DGKB: variants seen among roughly 807,000 people sequenced by gnomAD.
DGKB encodes 90 kDa diacylglycerol kinase.
In DGKB, 67 loss-of-function variants were observed where a neutral mutation model predicts 114.3. The ratio of observed to expected loss-of-function variants is 0.59; its 90% CI spans 0.48 to 0.72. DGKB has a LOEUF of 0.72. Ranked by LOEUF, DGKB falls within the 30% of genes least tolerant of loss-of-function variation. The pLI is 0.00. For synonymous variants in DGKB, 398 were observed against 323.1 expected, an observed-to-expected ratio of 1.23 and a Z score of -2.49; for missense variants, 907 against 975.2, an observed-to-expected ratio of 0.93 and a Z score of 0.93.
At chr7:14,815,874 G>C (rs1163598044) in intron 2 of DGKB, among the ~76,000 whole-genome samples, 1 of 152,210 alleles carries the variant, frequency 6.6e-6, no homozygotes, top group Non-Finnish European at 1.5e-5. Flanking sequence ...GACCAGATCT[G>C]TTGGGTACCA....
chr7:14,398,157 T>C (rs1339852604), intron 21 of DGKB, among the ~76,000 whole-genome samples: 1 of 152,076 alleles, frequency 6.6e-6, no homozygotes, highest in African/African-American at 2.4e-5. Flanking sequence ...TCTTGAATGA[T>C]TTCGATCAAT....
At position 14,245,167 on chromosome 7, in the gene DGKB, T is replaced by TACACAC. The variant is rs111929500; in HGVS notation, c.2123-67022_2123-67017dup. On this transcript the variant is annotated intron_variant, in intron 23 of 25. Coordinates refer to ENST00000402815, the MANE Select transcript of DGKB (RefSeq NM_001350709.2). ...TTAGGGAAATGTGCATATGTACACA[T>TACACAC]ACACACACACACACACACGCACAAA... is the stretch of plus-strand genomic sequence containing the variant. Among the ~76,000 whole-genome samples the TACACAC allele has an allele frequency of 4.8e-3, 715 of 149,320 alleles. 6 individuals carry two copies. The highest frequency in any genetic ancestry group is 0.017 in the African/African-American group (683 of 40,946).
intron 13 of DGKB, among the ~76,000 whole-genome samples, chr7:14,653,571 G>T (rs553627383): frequency 2.0e-5 from 3 of 152,052 alleles, no homozygotes; most frequent in African/African-American, 7.2e-5. Flanking sequence ...CGAGTTAGTG[G>T]GTTCAGCGCA....
At chr7:14,274,677 A>T (rs1189707405) in intron 23 of DGKB, among the ~76,000 whole-genome samples, 1 of 152,064 alleles carries the variant, frequency 6.6e-6, no homozygotes, top group South Asian at 2.1e-4. Flanking sequence ...TGAATTTGGT[A>T]TCTGGTATTT....
At chr7:14,483,674 T>C (rs1287531288) in intron 20 of DGKB, among the ~76,000 whole-genome samples, 3 of 152,142 alleles carry the variant, frequency 2.0e-5, no homozygotes, top group Admixed American at 2.0e-4. Context: ...AATTTGGTGA[T>C]GAGAAGATTA....
intron 17 of DGKB, among the ~76,000 whole-genome samples, chr7:14,583,527 C>T (rs1800270654): frequency 6.6e-6 from 1 of 152,104 alleles, no homozygotes; most frequent in South Asian, 2.1e-4. Flanking sequence ...CCAAAATTAT[C>T]TTTTGAGTGA....
At chr7:14,267,203 T>A (rs192422941) in intron 23 of DGKB, among the ~76,000 whole-genome samples, 1 of 152,260 alleles carries the variant, frequency 6.6e-6, no homozygotes, top group African/African-American at 2.4e-5. Context: ...CTGGGCCAGA[T>A]CTTAGGAGAG....
chr7:14,919,083 CACACACACACAA>C lies in DGKB; in HGVS notation c.-188+55601_-188+55612del, dbSNP rs1341454669. On this transcript the variant is annotated intron_variant, in intron 1 of 4. Transcript: ENST00000437998. Reference sequence around the variant, plus strand: ...ACACGCACACACACACACACACACACACACACACACAAACACACACACACACACACACACACA... The same window carrying C: ...ACACGCACACACACACACACACACACACACACACACACACACACACACACA... 8.1e-4 allele frequency among the ~76,000 whole-genome samples: 105 copies of C among 129,908 alleles called. 1 individual carries two copies. The highest frequency in any genetic ancestry group is 3.9e-3 in the Middle Eastern group (1 of 258). The allele number at this position is 129,908 out of a possible 152,430, so 85.2% of individuals were successfully genotyped here.
At chr7:14,669,307 T>C (rs1818562766) in intron 13 of DGKB, among the ~76,000 whole-genome samples, 1 of 152,166 alleles carries the variant, frequency 6.6e-6, no homozygotes, top group South Asian at 2.1e-4. Context: ...ACGACCTAAA[T>C]TGTCCCACCC....
At chr7:14,716,332 CTGATGTG>C (rs1828182007) in intron 6 of DGKB, among the ~76,000 whole-genome samples, 1 of 152,208 alleles carries the variant, frequency 6.6e-6, no homozygotes. Context: ...GCAGGTGACT[CTGATGTG>C]TGATAAAGTT....
chr7:14,317,623 A>G (rs1363958144), intron 23 of DGKB, among the ~76,000 whole-genome samples: 2 of 133,966 alleles, frequency 1.5e-5, no homozygotes, highest in Non-Finnish European at 3.2e-5. Flanking sequence ...CCACTGCTCA[A>G]GGAAATAAAA....
At chr7:14,323,857 T>C (rs762119359) in intron 23 of DGKB, among the ~76,000 whole-genome samples, 1 of 152,210 alleles carries the variant, frequency 6.6e-6, no homozygotes, top group Non-Finnish European at 1.5e-5. Flanking sequence ...TAAATATACA[T>C]GAAACATTGT....
chr7:14,912,721 T>C (rs1784057814), intron 1 of DGKB, among the ~76,000 whole-genome samples: 2 of 152,172 alleles, frequency 1.3e-5, no homozygotes, highest in Admixed American at 6.5e-5. Flanking sequence ...TCTATCATCA[T>C]AGGTTTTATC....
chr7:14,319,189 A>G (rs1807244642), intron 23 of DGKB, among the ~76,000 whole-genome samples: 1 of 151,808 alleles, frequency 6.6e-6, no homozygotes, highest in Non-Finnish European at 1.5e-5. Flanking sequence ...CTAATGCTAG[A>G]TGACGAGTTA....
intron 13 of DGKB, among the ~76,000 whole-genome samples, chr7:14,638,146 G>A (rs941998702): frequency 6.6e-6 from 1 of 151,934 alleles, no homozygotes; most frequent in Non-Finnish European, 1.5e-5. Context: ...TCTACCTGCT[G>A]TAACTCCTCA....
chr7:14,168,286 T>A (rs1424392237), intron 25 of DGKB, among the ~76,000 whole-genome samples: 1 of 150,936 alleles, frequency 6.6e-6, no homozygotes, highest in Non-Finnish European at 1.5e-5. Flanking sequence ...TAGAAGGAAA[T>A]AAAAAGTGAA....
chr7:14,552,731 T>A (rs1795280030), intron 20 of DGKB, among the ~76,000 whole-genome samples: 1 of 152,346 alleles, frequency 6.6e-6, no homozygotes, highest in South Asian at 2.1e-4. Flanking sequence ...TTTTCCTTTC[T>A]CTCCACTAGG....
chr7:14,860,070 C>T (rs181213514), intron 1 of DGKB, among the ~76,000 whole-genome samples: 1 of 152,176 alleles, frequency 6.6e-6, no homozygotes, highest in Admixed American at 6.6e-5. Context: ...TCTTTAAGCA[C>T]TGAAATAATG....
At chr7:14,173,190 C>T (rs919379124) in intron 25 of DGKB, among the ~76,000 whole-genome samples, 1 of 152,082 alleles carries the variant, frequency 6.6e-6, no homozygotes, top group African/African-American at 2.4e-5. Context: ...CTAGATGGTC[C>T]TAAAAATAAT....
Sources: allele counts gnomAD v4.1 joint callset (sites outside exome capture counted in the v4.1 genomes callset), GRCh38; gene constraint gnomAD v4.1.1; transcripts MANE v1.5; gene names NCBI Gene and HGNC (gene_info 2026-07-23, HGNC 2026-07-21).